PDE1C: variants seen among roughly 807,000 people sequenced by gnomAD.
PDE1C encodes the protein dual specificity calcium/calmodulin-dependent 3',5'-cyclic nucleotide phosphodiesterase 1C.
PDE1C carries 62 observed loss-of-function variants against 93.1 expected under a neutral mutation model. The ratio of observed to expected loss-of-function variants is 0.67; its 90% CI spans 0.54 to 0.82. The LOEUF is 0.82. Ranked by LOEUF, PDE1C falls within the 40% of genes least tolerant of loss-of-function variation. The probability of loss-of-function intolerance (pLI) is 0.00; values close to 1 mark genes in which losing one functional copy is unlikely to be tolerated. For missense variants in PDE1C, 742 were observed against 884.6 expected (o/e 0.84, Z 2.04); for synonymous variants, 325 against 310.1 (o/e 1.05, Z -0.50).
chr7:32,206,638 T>G (rs1198437247), intron 2 of PDE1C, among the ~76,000 whole-genome samples: 1 of 152,162 alleles, frequency 6.6e-6, no homozygotes, highest in Non-Finnish European at 1.5e-5. Flanking sequence ...GTGGCTACGA[T>G]GCGGTACCCA....
chr7:32,402,544 T>C (rs934979580), intron 1 of PDE1C, among the ~76,000 whole-genome samples: 1 of 152,164 alleles, frequency 6.6e-6, no homozygotes, highest in Admixed American at 6.5e-5. Context: ...GACTGGACGA[T>C]GCCCACCCAC....
At chr7:31,728,650 C>G in the PDE1C span, among the ~76,000 whole-genome samples, 19 of 152,044 alleles carry the variant, frequency 1.2e-4, no homozygotes, top group African/African-American at 4.6e-4. Flanking sequence ...ATGATTCCAG[C>G]CTTCCCTGAG....
At chr7:31,858,320 A>T (rs959036927) in intron 7 of PDE1C, among the ~76,000 whole-genome samples, 2 of 152,126 alleles carry the variant, frequency 1.3e-5, no homozygotes, top group African/African-American at 4.8e-5. Context: ...ATAGAATTTA[A>T]ATACAGATAT....
In PDE1C at chr7:32,103,810, C is replaced by G. The variant is rs959842133; in HGVS notation, c.308+65975G>C. Reference sequence around the variant, plus strand: ...ATGAACTTTTAGAGAAAAAGAGTAACTGATATCTACAGCGATAAGATAAAA... The same window carrying G: ...ATGAACTTTTAGAGAAAAAGAGTAAGTGATATCTACAGCGATAAGATAAAA... On this transcript the variant is annotated intron_variant, in intron 3 of 18. Transcript: ENST00000396193. Among the ~76,000 whole-genome samples the G allele has an allele frequency of 3.9e-5, 6 of 152,142 alleles. No individual in the cohort carries two copies. The South Asian group carries it at 6.2e-4, about 16-fold the overall frequency.
chr7:32,024,186 C>T (rs1789094673), intron 2 of PDE1C, among the ~76,000 whole-genome samples: 1 of 151,844 alleles, frequency 6.6e-6, no homozygotes, highest in Admixed American at 6.6e-5. Flanking sequence ...AAAATAAACA[C>T]TGTCCAAAGA....
At chr7:32,312,719 T>G (rs1293265965) in intron 1 of PDE1C, among the ~76,000 whole-genome samples, 4 of 152,176 alleles carry the variant, frequency 2.6e-5, no homozygotes, top group Non-Finnish European at 5.9e-5. Context: ...AGCTGAAACT[T>G]GATCCCTTCC....
chr7:31,913,122 G>T (rs761873183), intron 2 of PDE1C, among the ~76,000 whole-genome samples: 3 of 152,146 alleles, frequency 2.0e-5, no homozygotes, highest in Non-Finnish European at 4.4e-5. Flanking sequence ...CTGAACCTCA[G>T]CTTGCATCCC....
At chr7:31,954,730 C>G (rs1275492594) in intron 2 of PDE1C, among the ~76,000 whole-genome samples, 2 of 152,192 alleles carry the variant, frequency 1.3e-5, no homozygotes, top group African/African-American at 4.8e-5. Context: ...TTTGCCATTA[C>G]TCTTCATGCA....
At chr7:31,935,247 C>A (rs567394301) in intron 2 of PDE1C, among the ~76,000 whole-genome samples, 6 of 152,286 alleles carry the variant, frequency 3.9e-5, no homozygotes, top group African/African-American at 1.4e-4. Context: ...ACACAACATT[C>A]CTTTGTTCAA....
chr7:31,741,258 A>G, the PDE1C span, among the ~76,000 whole-genome samples: 8 of 152,210 alleles, frequency 5.3e-5, no homozygotes, highest in Middle Eastern at 6.8e-3. Flanking sequence ...TGGAAAGTCT[A>G]CATAAGGTGA....
chr7:31,621,771 G>T, the PDE1C span, among the ~76,000 whole-genome samples: 4 of 147,900 alleles, frequency 2.7e-5, no homozygotes, highest in African/African-American at 2.5e-5. Context: ...AACTTTAAAT[G>T]TAAATGGACT....
chr7:31,766,369 G>A (rs1475344434), intron 17 of PDE1C, among the ~76,000 whole-genome samples: 2 of 144,652 alleles, frequency 1.4e-5, no homozygotes. Flanking sequence ...GGGCGACAGA[G>A]CAAGACTGTG....
chr7:31,742,502 C>T, the PDE1C span, among the ~76,000 whole-genome samples: 6 of 152,134 alleles, frequency 3.9e-5, no homozygotes, highest in Non-Finnish European at 7.4e-5. Context: ...CAGGTGTGTT[C>T]GAGGCCACCC....
rs187030079 is a variant in PDE1C, at chr7:32,106,173, C to T, written c.308+63612G>A. Among the ~76,000 whole-genome samples the T allele has an allele frequency of 7.6e-4, 116 of 152,174 alleles. No homozygotes were observed. The South Asian group carries it at 0.023, about 30-fold the overall frequency. ...ACTTGCAAGCTCGTGCCACCATACT[C>T]GGCTAATCTTTTATTTATTTATTTT... is the stretch of plus-strand genomic sequence containing the variant. On this transcript the variant is annotated intron_variant, in intron 3 of 18. Coordinates refer to the PDE1C transcript ENST00000396193.
the PDE1C span, among the ~76,000 whole-genome samples, chr7:31,670,042 C>T: frequency 6.6e-6 from 1 of 152,078 alleles, no homozygotes; most frequent in Non-Finnish European, 1.5e-5. Flanking sequence ...CTCCAGATGC[C>T]CCAGATATTT....
At chr7:31,632,360 A>G in the PDE1C span, among the ~76,000 whole-genome samples, 14 of 152,156 alleles carry the variant, frequency 9.2e-5, no homozygotes, top group Non-Finnish European at 2.1e-4. Flanking sequence ...AAACAGGAGA[A>G]TCGCTTGAAC....
At chr7:31,701,863 T>G in the PDE1C span, among the ~76,000 whole-genome samples, 1 of 152,250 alleles carries the variant, frequency 6.6e-6, no homozygotes, top group Non-Finnish European at 1.5e-5. Flanking sequence ...CATAATGCTA[T>G]TTCACATTTA....
At chr7:31,911,941 A>G (rs761815643) in intron 2 of PDE1C, among the ~76,000 whole-genome samples, 2 of 152,172 alleles carry the variant, frequency 1.3e-5, no homozygotes, top group African/African-American at 2.4e-5. Context: ...CCATTGGAGA[A>G]TCACCACCCC....
chr7:32,008,938 A>AG (rs1786672336), intron 2 of PDE1C, among the ~76,000 whole-genome samples: 1 of 151,628 alleles, frequency 6.6e-6, no homozygotes, highest in Admixed American at 6.6e-5. Context: ...CATAAGACAA[A>AG]AAAAAGGCTA....
Sources: allele counts gnomAD v4.1 joint callset (sites outside exome capture counted in the v4.1 genomes callset), GRCh38; gene constraint gnomAD v4.1.1; transcripts MANE v1.5; gene names NCBI Gene and HGNC (gene_info 2026-07-23, HGNC 2026-07-21).